Variants in GAL3ST2 observed in about 807,000 individuals in gnomAD.
The protein encoded by GAL3ST2 is galactose-3-O-sulfotransferase 2.
A neutral mutation model predicts 12.9 loss-of-function variants in GAL3ST2; 16 were observed. That is an observed-to-expected ratio of 1.24 (90% confidence interval 0.84 to 1.88). The LOEUF (loss-of-function observed/expected upper bound fraction) is 1.88, where lower values mean the gene tolerates loss of function less well. GAL3ST2 is among the 40% of genes most tolerant of loss of function. The probability of loss-of-function intolerance (pLI) is 0.00; values close to 1 mark genes in which losing one functional copy is unlikely to be tolerated. For missense variants in GAL3ST2, 639 were observed against 571.8 expected (o/e 1.12, Z -1.20); for synonymous variants, 302 against 273.9 (o/e 1.10, Z -1.01).
At chr2:241,792,935 A>G (rs959910969) in intron 1 of GAL3ST2, among the ~76,000 whole-genome samples, 2 of 152,132 alleles carry the variant, frequency 1.3e-5, no homozygotes, top group Admixed American at 6.5e-5. Context: ...AAAGAATGCA[A>G]CCATTTGTCT....
rs891670469 is a variant in GAL3ST2 at position 241,803,871 on chromosome 2, G to A, written c.902G>A (p.Arg301Gln). 3.5e-6 allele frequency: 5 copies of A among 1,425,044 alleles called. No homozygotes were observed. The highest frequency in any genetic ancestry group is 1.6e-5 in the South Asian group (1 of 64,164). The allele number at this position is 1,425,044 out of a possible 1,614,324, so 88.3% of individuals were successfully genotyped here. A position where few individuals can be genotyped will look rare whatever the true frequency, so the allele number is the denominator to read the frequency against. The change falls in exon 4 of 4, where the codon CGG becomes CAG. Residue 301 changes from arginine (R) to glutamine (Q), a missense_variant. By Grantham distance (43) the Arg-to-Gln change is conservative. Coordinates refer to ENST00000192314, the MANE Select transcript of GAL3ST2 (RefSeq NM_022134.3). Reference sequence around the variant, plus strand: ...CAGCTGCGCGCCGAGCTGGGGCCGCGGCGGCTGCGCGGGGAGGTGGAGCGG... The same window carrying A: ...CAGCTGCGCGCCGAGCTGGGGCCGCAGCGGCTGCGCGGGGAGGTGGAGCGG... ...WAQLRAELGP[R>Q]RLRGEVERLR...
Position 241,802,070 on chromosome 2 carries a change from G to A in GAL3ST2, c.375+34G>A. ...GGCCTGCTGGGGAGGAGGGCGGGCT[G>A]CAGCCGTGCCTGTGGCTGTGGGTCT... On this transcript the variant is annotated intron_variant, in intron 3 of 3. Coordinates refer to ENST00000192314, the MANE Select transcript of GAL3ST2 (RefSeq NM_022134.3). The surrounding 1 kb of genome is among the most constrained non-coding windows in gnomAD (Gnocchi z 4.8). 1 of 1,575,924 alleles carries A rather than the reference G, an allele frequency of 6.3e-7. No homozygotes were observed.
chr2:241,784,330 G>A (rs1428670146), intron 1 of GAL3ST2, among the ~76,000 whole-genome samples: 3 of 152,172 alleles, frequency 2.0e-5, no homozygotes, highest in African/African-American at 4.8e-5. Context: ...ACCATGCCCG[G>A]CCTAAAGTCT....
intron 1 of GAL3ST2, among the ~76,000 whole-genome samples, chr2:241,777,977 C>A (rs536040446): frequency 2.6e-5 from 4 of 152,316 alleles, no homozygotes; most frequent in African/African-American, 9.6e-5. Context: ...CCTCGGGGAG[C>A]CCAGGGCACA....
intron 1 of GAL3ST2, among the ~76,000 whole-genome samples, 181 bp from the exon 2 acceptor site, chr2:241,798,884 C>T (rs1699808048): frequency 6.6e-6 from 1 of 152,148 alleles, no homozygotes; most frequent in African/African-American, 2.4e-5. Flanking sequence ...TCAGGCCTGT[C>T]CTGGGTTGAG....
chr2:241,792,322 A>T (rs1264948144), intron 1 of GAL3ST2, among the ~76,000 whole-genome samples: 1 of 150,436 alleles, frequency 6.6e-6, no homozygotes. Context: ...GAACCACTGC[A>T]CCCACCCGCC....
Position 241,793,707 on chromosome 2 carries a change from G to T in GAL3ST2, c.30-5358G>T, listed in dbSNP as rs533441279. On this transcript the variant is annotated intron_variant, in intron 1 of 3. Transcript: ENST00000192314. This position sits in a 1 kb window ranked among gnomAD's most constrained non-coding sequence, Gnocchi z 4.7. The stretch of plus-strand genomic sequence containing the variant: ...TATGTGTGTGTATATGTGTATGTAC[G>T]TATTGTGTATGCATGTGTGTATGTG... 6.6e-6 allele frequency among the ~76,000 whole-genome samples: 1 copy of T among 151,400 alleles called. No individual in the cohort carries two copies. Among genetic ancestry groups the T allele is most frequent in the Non-Finnish European group, 1.5e-5 (1 of 67,878 alleles).
chr2:241,791,162 G>T (rs1699688866), intron 1 of GAL3ST2, among the ~76,000 whole-genome samples: 1 of 152,126 alleles, frequency 6.6e-6, no homozygotes, highest in African/African-American at 2.4e-5. Context: ...GCTGTGTCAT[G>T]GGCCATGGTC....
chr2:241,797,204 C>T (rs1559416946), intron 1 of GAL3ST2, among the ~76,000 whole-genome samples: 1 of 152,116 alleles, frequency 6.6e-6, no homozygotes, highest in Non-Finnish European at 1.5e-5. Flanking sequence ...TTCTTCATAC[C>T]CTCTTGGTTT....
At chr2:241,798,797 C>T (rs1056506635) in intron 1 of GAL3ST2, among the ~76,000 whole-genome samples, 2 of 152,180 alleles carry the variant, frequency 1.3e-5, no homozygotes, top group African/African-American at 4.8e-5. Flanking sequence ...CTCCCGAACC[C>T]CAGGGAAAGG....
At chr2:241,794,898 C>G (rs573906156) in intron 1 of GAL3ST2, among the ~76,000 whole-genome samples, 12 of 152,300 alleles carry the variant, frequency 7.9e-5, no homozygotes, top group African/African-American at 2.9e-4. Context: ...AGCAGCTGAA[C>G]TCTTGAACAT....
intron 1 of GAL3ST2, among the ~76,000 whole-genome samples, chr2:241,798,638 G>A (rs1699803904): frequency 6.6e-6 from 1 of 152,120 alleles, no homozygotes; most frequent in Non-Finnish European, 1.5e-5. Context: ...TTTTGGGGGC[G>A]CACAGTCCAT....
intron 1 of GAL3ST2, among the ~76,000 whole-genome samples, chr2:241,780,865 G>C (rs1025299478): frequency 1.3e-5 from 2 of 152,206 alleles, no homozygotes; most frequent in Non-Finnish European, 2.9e-5. Context: ...CTTGCCACAG[G>C]TCAGGAACCC....
rs1699860939 is a variant in GAL3ST2, at chr2:241,802,135, G to C, written c.375+99G>C. 1 of 1,416,426 alleles carries C rather than the reference G, an allele frequency of 7.1e-7. No individual in the cohort carries two copies. The highest frequency in any genetic ancestry group is 1.4e-5 in the African/African-American group (1 of 70,422). 87.7% of individuals were successfully genotyped at this position (1,416,426 alleles called of 1,614,324 possible). A position where few individuals can be genotyped will look rare whatever the true frequency, so the allele number is the denominator to read the frequency against. ...GGAGGCTGGAGAGAAGGAGTGTAAG[G>C]CTTGGGGGCGGGGCGTGCAGAAGGC... On this transcript the variant is annotated intron_variant, in intron 3 of 3. Coordinates refer to ENST00000192314, the MANE Select transcript of GAL3ST2 (RefSeq NM_022134.3). This position sits in a 1 kb window ranked among gnomAD's most constrained non-coding sequence, Gnocchi z 4.8.
At chr2:241,798,794 A>T (rs1241613824) in intron 1 of GAL3ST2, among the ~76,000 whole-genome samples, 2 of 151,994 alleles carry the variant, frequency 1.3e-5, no homozygotes, top group Non-Finnish European at 2.9e-5. Flanking sequence ...CAGCTCCCGA[A>T]CCCCAGGGAA....
At position 241,793,581 on chromosome 2, in the gene GAL3ST2, GTA is replaced by G. The variant is rs1216075381; in HGVS notation, c.30-5482_30-5481del. Reference sequence around the variant, plus strand: ...TATGTGTATATGTGTGCGTATATGTGTATGTATGTATATGTGTATATGTGTGT... The same window carrying G: ...TATGTGTATATGTGTGCGTATATGTGTGTATGTATATGTGTATATGTGTGT... On this transcript the variant is annotated intron_variant, in intron 1 of 3. Coordinates refer to ENST00000192314, the MANE Select transcript of GAL3ST2 (RefSeq NM_022134.3). The surrounding 1 kb of genome is among the most constrained non-coding windows in gnomAD (Gnocchi z 4.7). Among the ~76,000 whole-genome samples, 16 of 148,746 alleles carry G rather than the reference GTA, an allele frequency of 1.1e-4. No homozygotes were observed. Among genetic ancestry groups the G allele is most frequent in the East Asian group, 7.9e-4 (4 of 5,062 alleles).
rs773556478 is a variant in GAL3ST2, at chr2:241,804,028, C to T, written c.1059C>T (p.Asn353=). The change falls in exon 4 of 4, where the codon AAC becomes AAT. Residue 353 remains asparagine, a synonymous_variant. Coordinates refer to ENST00000192314, the MANE Select transcript of GAL3ST2 (RefSeq NM_022134.3). Reference sequence around the variant, plus strand: ...GCAAGGCCGACATCCTGGGTTACAACCTCCGGCCGGGCCTGGACAACCAGA... The same window carrying T: ...GCAAGGCCGACATCCTGGGTTACAATCTCCGGCCGGGCCTGGACAACCAGA... ...QSGKADILGY[N]LRPGLDNQTL... 3 of 1,565,096 alleles carry T rather than the reference C, an allele frequency of 1.9e-6. No individual in the cohort carries two copies. Among genetic ancestry groups the T allele is most frequent in the African/African-American group, 2.8e-5 (2 of 72,554 alleles).
chr2:241,778,200 G>A (rs897987274), intron 1 of GAL3ST2, among the ~76,000 whole-genome samples: 1 of 152,240 alleles, frequency 6.6e-6, no homozygotes, highest in African/African-American at 2.4e-5. Context: ...CTGGGGTTGG[G>A]CAAGTGTGGG....
intron 1 of GAL3ST2, among the ~76,000 whole-genome samples, chr2:241,796,492 C>A (rs77993946): frequency 0.083 from 12,618 of 152,108 alleles, 715 homozygotes; most frequent in Admixed American, 0.17. Flanking sequence ...CGTATCAGGG[C>A]TCTGCTCAGT....
Sources: gnomAD v4.1 joint callset for allele counts (sites outside exome capture counted in the v4.1 genomes callset) on GRCh38, gnomAD v4.1.1 for gene constraint, Gnocchi (gnomAD v3.1) non-coding constraint, MANE v1.5 for transcripts, NCBI Gene and HGNC (gene_info 2026-07-23, HGNC 2026-07-21) for gene names.